Variants in CPE observed in about 807,000 individuals in gnomAD.
CPE encodes the protein carbocypeptidase E.
Under a neutral mutation model 53.5 loss-of-function variants are expected in CPE, and 17 were observed. The ratio of observed to expected loss-of-function variants is 0.32; its 90% CI spans 0.22 to 0.48. CPE has a LOEUF of 0.48. Among genes scored for constraint, CPE ranks in the 20% least tolerant of loss-of-function variants. The pLI is 0.99. For synonymous variants in CPE, 226 were observed against 228.8 expected (o/e 0.99, Z 0.11); for missense variants, 524 against 614.7 (o/e 0.85, Z 1.56).
At chr4:165,387,101 A>G (rs1002624371) in intron 1 of CPE, among the ~76,000 whole-genome samples, 1 of 152,196 alleles carries the variant, frequency 6.6e-6, no homozygotes, top group Non-Finnish European at 1.5e-5. Context: ...GGTGTTTTGT[A>G]AGTGATCTAA....
intron 1 of CPE, among the ~76,000 whole-genome samples, chr4:165,458,490 T>G (rs79313465): frequency 0.021 from 3,211 of 152,270 alleles, 115 homozygotes; most frequent in African/African-American, 0.068. Context: ...GAAGAATAGA[T>G]TCATCCCAGA....
At chr4:165,494,504 A>T (rs1164835177) in intron 7 of CPE, among the ~76,000 whole-genome samples, 5 of 152,170 alleles carry the variant, frequency 3.3e-5, no homozygotes, top group Admixed American at 3.3e-4. Context: ...GGAGGCTTTG[A>T]AGTGCTTCAA....
intron 3 of CPE, among the ~76,000 whole-genome samples, chr4:165,471,359 G>A (rs964421516): frequency 3.3e-5 from 5 of 152,164 alleles, no homozygotes; most frequent in Admixed American, 1.3e-4. Flanking sequence ...AACAACTGCT[G>A]AGAATAGAAT....
chr4:165,486,374 T>C (rs957972178), intron 5 of CPE, among the ~76,000 whole-genome samples: 4 of 152,222 alleles, frequency 2.6e-5, no homozygotes, highest in African/African-American at 7.2e-5. Flanking sequence ...TTGGTGCTAT[T>C]TGAAGTATTG....
chr4:165,430,399 T>C (rs879602901), intron 1 of CPE, among the ~76,000 whole-genome samples: 7 of 152,220 alleles, frequency 4.6e-5, no homozygotes, highest in African/African-American at 1.7e-4. Context: ...TGTAAGTGCT[T>C]GTGTGGGATT....
rs1731001280 is a variant in CPE at position 165,409,395 on chromosome 4, G to T, written c.307+29867G>T. Reference sequence around the variant, plus strand: ...ATCTTTGTATTTTTAGTAGAGACAGGGTTTCGCCATGTTGGCCTAGCTGGT... The same window carrying T: ...ATCTTTGTATTTTTAGTAGAGACAGTGTTTCGCCATGTTGGCCTAGCTGGT... On this transcript the variant is annotated intron_variant, in intron 1 of 8. Transcript: ENST00000402744. Among the ~76,000 whole-genome samples the T allele has an allele frequency of 2.0e-5, 3 of 152,214 alleles. 1 individual carries two copies. The South Asian group carries it at 6.2e-4, about 32-fold the overall frequency.
At chr4:165,421,874 G>T (rs967720492) in intron 1 of CPE, among the ~76,000 whole-genome samples, 4 of 151,930 alleles carry the variant, frequency 2.6e-5, no homozygotes, top group Non-Finnish European at 4.4e-5. Flanking sequence ...TGTTTCCATT[G>T]TATTGTTTTT....
chr4:165,411,139 C>T (rs1230378914), intron 1 of CPE, among the ~76,000 whole-genome samples: 2 of 152,116 alleles, frequency 1.3e-5, no homozygotes, highest in Non-Finnish European at 2.9e-5. Context: ...GCCTCTTTCT[C>T]CTCTCCAGAT....
intron 1 of CPE, among the ~76,000 whole-genome samples, chr4:165,407,416 T>C (rs1041025247): frequency 2.6e-5 from 4 of 152,262 alleles, no homozygotes; most frequent in South Asian, 2.1e-4. Flanking sequence ...CTTTTTTTTT[T>C]TTTGAGATGG....
intron 3 of CPE, among the ~76,000 whole-genome samples, chr4:165,479,045 A>T (rs1732354693): frequency 6.6e-6 from 1 of 152,216 alleles, no homozygotes; most frequent in African/African-American, 2.4e-5. Flanking sequence ...GTTAAAGAAA[A>T]TAGAGGGAAT....
At chr4:165,404,744 A>G in intron 1 of CPE, 9 of 798,470 alleles carry the variant, frequency 1.1e-5, no homozygotes. Context: ...ATCCTTAACC[A>G]CAATGATGAC....
At chr4:165,425,302 A>T (rs1731299204) in intron 1 of CPE, among the ~76,000 whole-genome samples, 1 of 151,772 alleles carries the variant, frequency 6.6e-6, no homozygotes, top group Admixed American at 6.6e-5. Context: ...AGAAGTTTTT[A>T]CTCTGACTTT....
chr4:165,426,635 G>A (rs1203831753), intron 1 of CPE, among the ~76,000 whole-genome samples: 1 of 151,764 alleles, frequency 6.6e-6, no homozygotes, highest in Non-Finnish European at 1.5e-5. Context: ...AAAGGCAAAT[G>A]TCTTTTGTGT....
intron 3 of CPE, among the ~76,000 whole-genome samples, chr4:165,477,742 G>T (rs1357463994): frequency 6.8e-6 from 1 of 146,946 alleles, no homozygotes; most frequent in Non-Finnish European, 1.5e-5. Context: ...AAAAAAAAAA[G>T]AAATTCATAT....
intron 1 of CPE, among the ~76,000 whole-genome samples, chr4:165,395,024 G>A (rs1230480717): frequency 1.3e-5 from 2 of 152,252 alleles, no homozygotes; most frequent in Admixed American, 1.3e-4. Flanking sequence ...TATGATATAC[G>A]TGTGAATGAT....
intron 1 of CPE, among the ~76,000 whole-genome samples, chr4:165,412,824 A>G (rs372787548): frequency 1.3e-5 from 2 of 152,238 alleles, no homozygotes; most frequent in East Asian, 1.9e-4. Context: ...CACCTCTTCA[A>G]TGCTTCAGTC....
intron 1 of CPE, chr4:165,418,303 G>A (rs530831949): frequency 1.5e-4 from 23 of 152,324 alleles, no homozygotes; most frequent in African/African-American, 5.3e-4. Flanking sequence ...TGAGAAAAAT[G>A]TCAGACAACA....
intron 1 of CPE, among the ~76,000 whole-genome samples, chr4:165,442,104 G>T (rs1165260791): frequency 7.1e-6 from 1 of 141,488 alleles, no homozygotes; most frequent in Admixed American, 7.4e-5. Context: ...GTGCAGGAGT[G>T]TGATCATGGC....
chr4:165,416,429 T>C (rs1731124230), intron 1 of CPE, among the ~76,000 whole-genome samples: 1 of 152,134 alleles, frequency 6.6e-6, no homozygotes, highest in African/African-American at 2.4e-5. Flanking sequence ...AAATTTCCAG[T>C]AGTGTAGCTC....
Sources: gnomAD v4.1 joint callset for allele counts (sites outside exome capture counted in the v4.1 genomes callset) on GRCh38, gnomAD v4.1.1 for gene constraint, MANE v1.5 for transcripts, NCBI Gene and HGNC (gene_info 2026-07-23, HGNC 2026-07-21) for gene names.